The following GLIS3 variants were observed in gnomAD, a reference collection of about 807,000 sequenced individuals.
GLIS3 encodes the protein zinc finger protein GLIS3.
A neutral mutation model predicts 78.6 loss-of-function variants in GLIS3; 53 were observed. The observed-to-expected ratio is 0.67, with a 90% CI of 0.54 to 0.85. The LOEUF is 0.85. Among genes scored for constraint, GLIS3 ranks in the 40% least tolerant of loss-of-function variants. The probability of loss-of-function intolerance (pLI) is 0.00; values close to 1 mark genes in which losing one functional copy is unlikely to be tolerated. For missense variants in GLIS3, 1,703 were observed against 1,231.1 expected, an observed-to-expected ratio of 1.38 and a Z score of -5.74; for synonymous variants, 684 against 509.9, an observed-to-expected ratio of 1.34 and a Z score of -4.60.
At chr9:3,965,348 C>T (rs761546890) in intron 4 of GLIS3, among the ~76,000 whole-genome samples, 10 of 151,874 alleles carry the variant, frequency 6.6e-5, no homozygotes, top group Non-Finnish European at 1.3e-4. Flanking sequence ...CGCGAGCCAC[C>T]ACTCCTGGCT....
chr9:4,129,586 C>G (rs1227462657), intron 2 of GLIS3, among the ~76,000 whole-genome samples: 1 of 152,188 alleles, frequency 6.6e-6, no homozygotes, highest in African/African-American at 2.4e-5. Context: ...GTAACACATG[C>G]CTGTTTCCCC....
intron 8 of GLIS3, among the ~76,000 whole-genome samples, chr9:3,860,454 G>A (rs1245892550): frequency 6.6e-6 from 1 of 151,986 alleles, no homozygotes; most frequent in African/African-American, 2.4e-5. Context: ...CCAACCCCCT[G>A]TTATCATTGA....
intron 4 of GLIS3, among the ~76,000 whole-genome samples, chr9:3,946,879 A>G (rs1816329977): frequency 6.6e-6 from 1 of 152,232 alleles, no homozygotes; most frequent in Non-Finnish European, 1.5e-5. Context: ...GCCTCTCATC[A>G]GAGTTTCTCA....
chr9:4,199,322 C>T (rs1007928994), intron 2 of GLIS3, among the ~76,000 whole-genome samples: 2 of 152,068 alleles, frequency 1.3e-5, no homozygotes, highest in Non-Finnish European at 2.9e-5. Context: ...AGACCCACCT[C>T]ACATGTAATG....
intron 2 of GLIS3, among the ~76,000 whole-genome samples, chr9:4,255,714 G>C (rs565177244): frequency 1.6e-4 from 25 of 152,246 alleles, no homozygotes; most frequent in African/African-American, 5.5e-4. Flanking sequence ...AGGGGAAAGG[G>C]AGGGATGAAT....
At chr9:4,319,850 T>G (rs73386232) in intron 2 of GLIS3, among the ~76,000 whole-genome samples, 7,779 of 152,226 alleles carry the variant, frequency 0.051, 685 homozygotes, top group African/African-American at 0.18. Context: ...TGAAATATAC[T>G]TGATCAGTAA....
chr9:3,913,831 A>C (rs988667332), intron 6 of GLIS3, among the ~76,000 whole-genome samples: 2 of 152,212 alleles, frequency 1.3e-5, no homozygotes, highest in African/African-American at 4.8e-5. Context: ...ACAACCCTTG[A>C]GTGTTTGATC....
At chr9:4,212,601 C>T (rs12554508) in intron 2 of GLIS3, among the ~76,000 whole-genome samples, 32,909 of 152,094 alleles carry the variant, frequency 0.22, 4,669 homozygotes, top group South Asian at 0.48. Context: ...ATTTTGATAT[C>T]AGAAATTCCT....
chr9:4,318,238 G>T (rs920639897), intron 2 of GLIS3, among the ~76,000 whole-genome samples: 1 of 152,090 alleles, frequency 6.6e-6, no homozygotes, highest in Non-Finnish European at 1.5e-5. Flanking sequence ...TGTTTGATGG[G>T]AATTCGAGGG....
the GLIS3 span, among the ~76,000 whole-genome samples, chr9:4,396,423 C>A: frequency 1.9e-4 from 29 of 152,162 alleles, no homozygotes; most frequent in Non-Finnish European, 3.7e-4. Context: ...GCCACCATGC[C>A]CAGCCCATTT....
chr9:4,313,591 G>A (rs770832974), intron 2 of GLIS3, among the ~76,000 whole-genome samples: 1 of 152,160 alleles, frequency 6.6e-6, no homozygotes, highest in African/African-American at 2.4e-5. Context: ...CCTTGATCTT[G>A]GACCTTGATT....
At chr9:4,212,814 G>C (rs1256171254) in intron 2 of GLIS3, among the ~76,000 whole-genome samples, 1 of 152,158 alleles carries the variant, frequency 6.6e-6, no homozygotes, top group Non-Finnish European at 1.5e-5. Context: ...TTTCAGAAAA[G>C]TTAATGGGGG....
chr9:4,165,809 TGGGTGA>T (rs1554721274), intron 2 of GLIS3, among the ~76,000 whole-genome samples: 43 of 152,164 alleles, frequency 2.8e-4, no homozygotes, highest in Non-Finnish European at 5.4e-4. Flanking sequence ...AGTCTTCAAT[TGGGTGA>T]GATTGCTCAG....
intron 4 of GLIS3, among the ~76,000 whole-genome samples, chr9:3,956,906 A>G (rs1331161354): frequency 6.6e-6 from 1 of 151,940 alleles, no homozygotes; most frequent in Non-Finnish European, 1.5e-5. Flanking sequence ...CATCAATAAC[A>G]AGAACAATCT....
intron 8 of GLIS3, among the ~76,000 whole-genome samples, chr9:3,864,955 G>C (rs550184272): frequency 6.6e-6 from 1 of 152,196 alleles, no homozygotes; most frequent in East Asian, 1.9e-4. Flanking sequence ...CCACAGACCT[G>C]GTTCTCAACT....
intron 2 of GLIS3, among the ~76,000 whole-genome samples, chr9:4,126,717 TA>T (rs958735493): frequency 4.6e-5 from 7 of 152,222 alleles, no homozygotes; most frequent in Non-Finnish European, 8.8e-5. Flanking sequence ...GACTCATTTA[TA>T]AAAAAATCAT....
the GLIS3 span, among the ~76,000 whole-genome samples, chr9:4,440,085 A>T: frequency 2.6e-5 from 4 of 152,102 alleles, no homozygotes; most frequent in Admixed American, 2.0e-4. Context: ...TATATTTTGG[A>T]TATCAACCTC....
intron 2 of GLIS3, among the ~76,000 whole-genome samples, chr9:4,204,475 C>G (rs1284740568): frequency 2.6e-5 from 4 of 152,104 alleles, no homozygotes; most frequent in Non-Finnish European, 4.4e-5. Flanking sequence ...GAAAAGGCTG[C>G]ATCCTAGGGA....
At chr9:4,006,218 TG>T (rs1417479309) in intron 4 of GLIS3, among the ~76,000 whole-genome samples, 1 of 150,706 alleles carries the variant, frequency 6.6e-6, no homozygotes, top group African/African-American at 2.4e-5. Context: ...TCACGCTCCT[TG>T]CCTTGCCTGA....
Sources: gnomAD v4.1 joint callset for allele counts (sites outside exome capture counted in the v4.1 genomes callset) on GRCh38, gnomAD v4.1.1 for gene constraint, MANE v1.5 for transcripts, NCBI Gene and HGNC (gene_info 2026-07-23, HGNC 2026-07-21) for gene names.